PTPN21: variants seen among roughly 807,000 people sequenced by gnomAD.
The protein encoded by PTPN21 is protein tyrosine phosphatase non-receptor type 21.
In PTPN21, 77 loss-of-function variants were observed where a neutral mutation model predicts 131.8. That is an observed-to-expected ratio of 0.58 (90% CI 0.49 to 0.71). The LOEUF is 0.71. Ranked by LOEUF, PTPN21 falls within the 30% of genes least tolerant of loss-of-function variation. PTPN21 has a pLI of 0.00. For synonymous variants in PTPN21, 715 were observed against 621.3 expected (o/e 1.15, Z -2.24); for missense variants, 1,552 against 1,527.1 (o/e 1.02, Z -0.27).
intron 2 of PTPN21, among the ~76,000 whole-genome samples, chr14:88,525,690 C>T (rs1350957079): frequency 6.6e-6 from 1 of 152,172 alleles, no homozygotes; most frequent in Non-Finnish European, 1.5e-5. Flanking sequence ...CCAGCAATTC[C>T]ACTTCTAGGT....
chr14:88,480,300 G>A lies in PTPN21; in HGVS notation c.1131C>T (p.Ser377=). The A allele has an allele frequency of 6.2e-7, 1 of 1,614,170 alleles. No homozygotes were observed. The highest frequency in any genetic ancestry group is 8.5e-7 in the Non-Finnish European group (1 of 1,180,020). Residue 377 remains serine (S), a synonymous_variant, in exon 13 of 19, where the codon AGC becomes AGT. Transcript: ENST00000556564. ...TGAGGTCAATCTGGGCTCTATCCAA[G>A]CTTGTCTGAGAGTGACAGTAGTATC... The part of the protein sequence containing the change: ...QNGYYCHSQT[S]LDRAQIDLNG...
chr14:88,469,389 C>G lies in PTPN21; in HGVS notation c.3235+110G>C. On this transcript the variant is annotated intron_variant, in intron 17 of 18. Transcript: ENST00000556564. The surrounding 1 kb of genome is among the most constrained non-coding windows in gnomAD (Gnocchi z 4.3). Reference sequence around the variant, plus strand: ...TGTATTCTTTATGTTAAAACAAGTCCGAAGCTTATATGAGATAACATAAAG... The same window carrying G: ...TGTATTCTTTATGTTAAAACAAGTCGGAAGCTTATATGAGATAACATAAAG... 2.0e-6 allele frequency: 2 copies of G among 999,034 alleles called. No individual in the cohort carries two copies. The highest frequency in any genetic ancestry group is 3.0e-6 in the Non-Finnish European group (2 of 677,136). The allele number at this position is 999,034 out of a possible 1,614,324, so 61.9% of individuals were successfully genotyped here. A position where few individuals can be genotyped will look rare whatever the true frequency, so the allele number is the denominator to read the frequency against.
rs200262972 is a variant in PTPN21 at position 88,505,412 on chromosome 14, T to C, written c.449-41A>G. The C allele has an allele frequency of 3.2e-4, 458 of 1,423,100 alleles. 2 individuals carry two copies. The African/African-American group carries it at 5.6e-3, about 17-fold the overall frequency. 88.2% of individuals were successfully genotyped at this position (1,423,100 alleles called of 1,614,324 possible). On this transcript the variant is annotated intron_variant, in intron 4 of 18. Coordinates refer to ENST00000556564, the MANE Select transcript of PTPN21 (RefSeq NM_007039.4). ...AACATTCACGTTAATTATATTTAAA[T>C]TTCATTGCAAAATATGCACAACAAA...
intron 6 of PTPN21, among the ~76,000 whole-genome samples, chr14:88,502,594 C>T (rs1304797543): frequency 6.6e-6 from 1 of 152,202 alleles, no homozygotes; most frequent in East Asian, 1.9e-4. Flanking sequence ...ATCCAGCACT[C>T]TTCCTCTGCT....
At chr14:88,507,004 G>C (rs1378356145) in intron 4 of PTPN21, among the ~76,000 whole-genome samples, 1 of 151,766 alleles carries the variant, frequency 6.6e-6, no homozygotes, top group Non-Finnish European at 1.5e-5. Context: ...AGCCGAGATC[G>C]TGCCACTGCA....
intron 2 of PTPN21, among the ~76,000 whole-genome samples, chr14:88,533,148 G>T (rs986099067): frequency 4.6e-5 from 7 of 152,126 alleles, no homozygotes; most frequent in African/African-American, 1.7e-4. Context: ...TTTAATTGGG[G>T]TTTCATTACT....
intron 12 of PTPN21, 25 bp downstream of exon 12, chr14:88,485,051 G>A: frequency 6.6e-7 from 1 of 1,515,940 alleles, no homozygotes. Flanking sequence ...ACTATGTAAG[G>A]CATGGCAGAA....
rs1566811828 is a variant in PTPN21 at position 88,479,106 on chromosome 14, G to T, written c.2325C>A (p.Ser775Arg). Residue 775 changes from serine to arginine, a missense_variant, in exon 13 of 19, where the codon AGC becomes AGA. Ser to Arg is a moderately radical substitution (Grantham distance 110). Coordinates refer to ENST00000556564, the MANE Select transcript of PTPN21 (RefSeq NM_007039.4). ...GGGCCTCTGCGGTCGTGCGGACGGG[G>T]CTGCTGTCCATCATCCTCTTCTCCG... ...PDAEKRMMDS[S>R]PVRTTAEAQR... 6.4e-7 allele frequency: 1 copy of T among 1,571,044 alleles called. No homozygotes were observed. Among genetic ancestry groups the T allele is most frequent in the African/African-American group, 1.4e-5 (1 of 73,054 alleles).
chr14:88,543,946 G>A (rs957215350), intron 2 of PTPN21, among the ~76,000 whole-genome samples: 4 of 148,808 alleles, frequency 2.7e-5, no homozygotes, highest in Non-Finnish European at 5.9e-5. Flanking sequence ...AAAGAAAACT[G>A]TCCTCTAAGT....
chr14:88,479,519 T>C lies in PTPN21; in HGVS notation c.1912A>G (p.Ile638Val), dbSNP rs2077605864. The C allele has an allele frequency of 1.2e-6, 2 of 1,600,754 alleles. No individual in the cohort carries two copies. The highest frequency in any genetic ancestry group is 1.1e-5 in the South Asian group (1 of 91,026). The change falls in exon 13 of 19, where the codon ATC (isoleucine) becomes GTC (valine). Residue 638 changes from isoleucine to valine, a missense_variant. Ile to Val is a conservative substitution (Grantham distance 29). Transcript: ENST00000556564. ...CCGTGGCTGAGCCCGGCCACCTCGA[T>C]GCTGTTCCGTTTGTGCAGCTGCGCG... ...RHAQLHKRNSIEVAGLSHGLE... is the reference protein window; with the variant it reads ...RHAQLHKRNSVEVAGLSHGLE...
chr14:88,548,395 G>A (rs892325805), intron 2 of PTPN21, among the ~76,000 whole-genome samples: 9 of 152,102 alleles, frequency 5.9e-5, no homozygotes, highest in African/African-American at 1.7e-4. Flanking sequence ...CTTTGGTCCT[G>A]TGCAGTTCTC....
chr14:88,469,534 T>A lies in PTPN21; in HGVS notation c.3200A>T (p.Glu1067Val). 6.2e-7 allele frequency: 1 copy of A among 1,614,200 alleles called. No homozygotes were observed. The highest frequency in any genetic ancestry group is 2.2e-5 in the East Asian group (1 of 44,888). The part of the protein sequence containing the change: ...VWHLQYTDWP[E>V]HGCPEDLKGF... Reference sequence around the variant, plus strand: ...CTTGAGGTCTTCTGGACAGCCATGTTCAGGCCAGTCTGTGTATTGGAGGTG... The same window carrying A: ...CTTGAGGTCTTCTGGACAGCCATGTACAGGCCAGTCTGTGTATTGGAGGTG... The change falls in exon 17 of 19, where the codon GAA becomes GTA. Residue 1067 changes from glutamate (E) to valine (V), a missense_variant. Transcript: ENST00000556564. This position sits in a 1 kb window ranked among gnomAD's most constrained non-coding sequence, Gnocchi z 4.3.
intron 15 of PTPN21, among the ~76,000 whole-genome samples, chr14:88,472,025 T>C (rs896291401): frequency 6.6e-6 from 1 of 152,210 alleles, no homozygotes; most frequent in African/African-American, 2.4e-5. Flanking sequence ...TTTGGCTCTG[T>C]CTGATAGACG....
At chr14:88,504,392 A>G (rs1183067302) in intron 6 of PTPN21, 33 bp downstream of exon 6, 6 of 1,410,110 alleles carry the variant, frequency 4.3e-6, no homozygotes, top group Non-Finnish European at 5.0e-6. Flanking sequence ...CATTGGTTCT[A>G]TGCTATTTCC....
chr14:88,493,275 A>C (rs553590793), intron 10 of PTPN21: 1 of 335,530 alleles, frequency 3.0e-6, no homozygotes, highest in South Asian at 2.3e-5. Context: ...TAGAAAAAAC[A>C]ACTTTCAGAG....
chr14:88,503,690 G>A (rs1022391377), intron 6 of PTPN21, among the ~76,000 whole-genome samples: 1 of 152,162 alleles, frequency 6.6e-6, no homozygotes, highest in Non-Finnish European at 1.5e-5. Flanking sequence ...GTAGGTTAGG[G>A]TAAGCTATGA....
At chr14:88,513,648 T>G (rs2078218284) in intron 3 of PTPN21, 1 of 152,238 alleles carries the variant, frequency 6.6e-6, no homozygotes, top group Non-Finnish European at 1.5e-5. Context: ...CCAGAAGTTC[T>G]GCAAGCCAGG....
Position 88,486,399 on chromosome 14 carries a change from C to G in PTPN21, c.933-557G>C, listed in dbSNP as rs1040741057. Among the ~76,000 whole-genome samples the G allele has an allele frequency of 1.3e-5, 2 of 152,100 alleles. 1 individual carries two copies. The highest frequency in any genetic ancestry group is 3.9e-4 in the East Asian group (2 of 5,190). On this transcript the variant is annotated intron_variant, in intron 10 of 18. Coordinates refer to ENST00000556564, the MANE Select transcript of PTPN21 (RefSeq NM_007039.4). The stretch of plus-strand genomic sequence containing the variant: ...AGAAATGAATTTATGATTTTAGTGA[C>G]AAGAATCTACATTTCCAAGTGCAGT...
chr14:88,480,319 T>G lies in PTPN21; in HGVS notation c.1112A>C (p.Tyr371Ser). The G allele has an allele frequency of 1.2e-6, 2 of 1,614,038 alleles. No individual in the cohort carries two copies. Among genetic ancestry groups the G allele is most frequent in the Non-Finnish European group, 1.7e-6 (2 of 1,179,926 alleles). ...NLFVPNQNGY[Y>S]CHSQTSLDRA... is the part of the protein sequence containing the mutation. ...ATCCAAGCTTGTCTGAGAGTGACAG[T>G]AGTATCCGTTCTGGTTGGGCACAAA... is the stretch of plus-strand genomic sequence containing the variant. The change falls in exon 13 of 19, where the codon TAC (tyrosine) becomes TCC (serine). Residue 371 changes from tyrosine (Y) to serine (S), a missense_variant. By Grantham distance (144) the Tyr-to-Ser change is moderately radical (BLOSUM62 -2). Transcript: ENST00000556564.
Sources: allele counts gnomAD v4.1 joint callset (sites outside exome capture counted in the v4.1 genomes callset), GRCh38; gene constraint gnomAD v4.1.1; non-coding constraint Gnocchi (gnomAD v3.1); transcripts MANE v1.5; gene names NCBI Gene and HGNC (gene_info 2026-07-23, HGNC 2026-07-21).